The following SNX10 variants were observed in gnomAD, a reference collection of about 807,000 sequenced individuals.
SNX10 encodes the protein sorting nexin 10.
Under a neutral mutation model 28.5 loss-of-function variants are expected in SNX10, and 25 were observed. The ratio of observed to expected loss-of-function variants is 0.88; its 90% CI spans 0.64 to 1.22. The LOEUF is 1.22. Among genes scored for constraint, SNX10 ranks in the 50% most tolerant of loss-of-function variants. The pLI, the probability that SNX10 is intolerant of heterozygous loss-of-function variation, is 0.00. For missense variants in SNX10, 223 were observed against 242.6 expected (o/e 0.92, Z 0.54); for synonymous variants, 62 against 81.4 (o/e 0.76, Z 1.28).
At chr7:26,295,606 A>G (rs1786077388) in intron 1 of SNX10, among the ~76,000 whole-genome samples, 1 of 152,232 alleles carries the variant, frequency 6.6e-6, no homozygotes, top group Non-Finnish European at 1.5e-5. Context: ...TTCCAGTCTC[A>G]TATTCTTTCC....
chr7:26,372,032 A>G lies in SNX10; in HGVS notation c.523A>G (p.Ser175Gly), dbSNP rs750313171. 6.3e-7 allele frequency: 1 copy of G among 1,586,680 alleles called. No individual in the cohort carries two copies. The highest frequency in any genetic ancestry group is 8.6e-7 in the Non-Finnish European group (1 of 1,156,822). Residue 175 changes from serine (S) to glycine (G), a missense_variant and splice_region_variant, in exon 6 of 7, where the codon AGT (serine) becomes GGT (glycine). Physicochemically the swap from Ser to Gly is moderately conservative, Grantham distance 56. Coordinates refer to ENST00000338523, the MANE Select transcript of SNX10 (RefSeq NM_013322.3). The stretch of plus-strand genomic sequence containing the variant: ...AAATGATATAGATTATGATTCAGAA[A>G]GGTATTTCCTTGCATTTTGATTTAA... ...KENDIDYDSE[S>G]SSSGLGHSSD...
intron 1 of SNX10, among the ~76,000 whole-genome samples, chr7:26,330,242 G>A (rs763582216): frequency 6.6e-6 from 1 of 152,032 alleles, no homozygotes. Context: ...TCAGTGTGGA[G>A]GGGTCGGCAA....
chr7:26,369,554 G>A (rs890448931), intron 5 of SNX10, among the ~76,000 whole-genome samples: 1 of 152,132 alleles, frequency 6.6e-6, no homozygotes, highest in African/African-American at 2.4e-5. Flanking sequence ...TTTAGCCAGA[G>A]AAACAGAGGA....
chr7:26,307,229 C>T (rs1786634905), intron 1 of SNX10, among the ~76,000 whole-genome samples: 1 of 152,162 alleles, frequency 6.6e-6, no homozygotes, highest in Admixed American at 6.5e-5. Flanking sequence ...ATCTCAGCCC[C>T]AAGCTGCTCT....
intron 1 of SNX10, among the ~76,000 whole-genome samples, chr7:26,338,409 G>A (rs1205623330): frequency 1.3e-5 from 2 of 151,974 alleles, no homozygotes; most frequent in Non-Finnish European, 2.9e-5. Context: ...CGCAGACCCC[G>A]CTGTGTGGGA....
At chr7:26,334,545 T>A (rs1175150514) in intron 1 of SNX10, among the ~76,000 whole-genome samples, 3 of 152,198 alleles carry the variant, frequency 2.0e-5, no homozygotes, top group African/African-American at 7.2e-5. Flanking sequence ...ATTCAAATAA[T>A]TGTGAGGTTA....
At chr7:26,300,412 A>G (rs946770698) in intron 1 of SNX10, among the ~76,000 whole-genome samples, 1 of 152,120 alleles carries the variant, frequency 6.6e-6, no homozygotes, top group Non-Finnish European at 1.5e-5. Flanking sequence ...TTATTTTTAA[A>G]GATAATAAGT....
chr7:26,305,420 A>T (rs958396905), intron 1 of SNX10, among the ~76,000 whole-genome samples: 1 of 152,160 alleles, frequency 6.6e-6, no homozygotes, highest in Non-Finnish European at 1.5e-5. Flanking sequence ...TTTCTCACTG[A>T]TGTAGCAGCT....
At chr7:26,370,124 C>T (rs925166137) in intron 5 of SNX10, among the ~76,000 whole-genome samples, 9 of 152,176 alleles carry the variant, frequency 5.9e-5, no homozygotes, top group Non-Finnish European at 1.0e-4. Context: ...ATGAACAGTT[C>T]CTTGTACTTA....
intron 1 of SNX10, among the ~76,000 whole-genome samples, chr7:26,342,428 C>T (rs904804955): frequency 6.6e-6 from 1 of 152,190 alleles, no homozygotes; most frequent in Non-Finnish European, 1.5e-5. Context: ...ATTTCCTTCT[C>T]CCCACCAGTA....
chr7:26,357,325 A>AC (rs1443493442), intron 2 of SNX10, among the ~76,000 whole-genome samples: 1 of 104,094 alleles, frequency 9.6e-6, no homozygotes, highest in Admixed American at 9.9e-5. Flanking sequence ...AAAAGAGAAG[A>AC]TTAAAAAAAA....
At chr7:26,368,381 G>A (rs1789378522) in intron 5 of SNX10, among the ~76,000 whole-genome samples, 2 of 152,032 alleles carry the variant, frequency 1.3e-5, no homozygotes, top group Non-Finnish European at 2.9e-5. Flanking sequence ...TTGCCCCTGA[G>A]TAATTATAAA....
intron 2 of SNX10, among the ~76,000 whole-genome samples, chr7:26,347,811 C>G (rs1788446582): frequency 6.6e-6 from 1 of 152,136 alleles, no homozygotes; most frequent in Non-Finnish European, 1.5e-5. Flanking sequence ...GATCATGCCA[C>G]TGCACTCCAG....
intron 1 of SNX10, among the ~76,000 whole-genome samples, chr7:26,308,096 G>T (rs1786667196): frequency 6.6e-6 from 1 of 152,140 alleles, no homozygotes; most frequent in Non-Finnish European, 1.5e-5. Context: ...TATATATGTT[G>T]GTTTTGTCCA....
chr7:26,337,381 A>G (rs569752589), intron 1 of SNX10, among the ~76,000 whole-genome samples: 134 of 152,362 alleles, frequency 8.8e-4, no homozygotes, highest in African/African-American at 2.6e-3. Flanking sequence ...TTGTTGTACA[A>G]TAGATCTCTA....
rs781369629 is a variant in SNX10, at chr7:26,361,050, A to T, written c.100A>T (p.Ile34Leu). 6.3e-7 allele frequency: 1 copy of T among 1,598,394 alleles called. No individual in the cohort carries two copies. The highest frequency in any genetic ancestry group is 1.1e-5 in the South Asian group (1 of 90,416). The change falls in exon 3 of 7, where the codon ATA (isoleucine) becomes TTA (leucine). Residue 34 changes from isoleucine to leucine, a missense_variant. By Grantham distance (5) the Ile-to-Leu change is conservative. Transcript: ENST00000338523. Reference protein sequence around the residue: ...DFWHSYIDYEICIHTNSMCFT... With the variant: ...DFWHSYIDYELCIHTNSMCFT... ...CTGGCATTCTTACATTGACTATGAG[A>T]TATGTATTCATGTAAGTATGTAGTC...
At chr7:26,335,592 C>G (rs1162459333) in intron 1 of SNX10, among the ~76,000 whole-genome samples, 1 of 152,122 alleles carries the variant, frequency 6.6e-6, no homozygotes, top group Non-Finnish European at 1.5e-5. Flanking sequence ...AGGCTCTTCC[C>G]CAGCAGATCT....
At chr7:26,305,953 G>A (rs1786572977) in intron 1 of SNX10, among the ~76,000 whole-genome samples, 1 of 152,146 alleles carries the variant, frequency 6.6e-6, no homozygotes, top group African/African-American at 2.4e-5. Flanking sequence ...GGAGTGCAGT[G>A]GCGCAATCGT....
chr7:26,334,579 C>T (rs1787854662), intron 1 of SNX10, among the ~76,000 whole-genome samples: 1 of 151,860 alleles, frequency 6.6e-6, no homozygotes, highest in Non-Finnish European at 1.5e-5. Flanking sequence ...TTTTTTGTTT[C>T]TTGGATTTTA....
Sources: gnomAD v4.1 joint callset for allele counts (sites outside exome capture counted in the v4.1 genomes callset) on GRCh38, gnomAD v4.1.1 for gene constraint, MANE v1.5 for transcripts, NCBI Gene and HGNC (gene_info 2026-07-23, HGNC 2026-07-21) for gene names.